The following TENM3 variants were observed in gnomAD, a reference collection of about 807,000 sequenced individuals.
The protein encoded by TENM3 is teneurin transmembrane protein 3, also known as teneurin-3.
A neutral mutation model predicts 255.1 loss-of-function variants in TENM3; 63 were observed. That is an observed-to-expected ratio of 0.25 (90% CI 0.20 to 0.30). TENM3 has a LOEUF of 0.30. Among genes scored for constraint, TENM3 ranks in the 10% least tolerant of loss-of-function variants. TENM3 has a pLI of 1.00. For missense variants in TENM3, 2,929 were observed against 3,461.1 expected (o/e 0.85, Z 3.86); for synonymous variants, 1,306 against 1,322.3 (o/e 0.99, Z 0.27).
At chr4:181,552,169 AATAAG>A in the TENM3 span, among the ~76,000 whole-genome samples, 1 of 152,148 alleles carries the variant, frequency 6.6e-6, no homozygotes, top group Admixed American at 6.5e-5. Flanking sequence ...TATGGGAGAA[AATAAG>A]ATAAGGGAAG....
At chr4:182,750,316 A>G (rs563602568) in intron 19 of TENM3, among the ~76,000 whole-genome samples, 2 of 152,264 alleles carry the variant, frequency 1.3e-5, no homozygotes, top group African/African-American at 4.8e-5. Context: ...GGAGATCCCA[A>G]AGCTGAAGGA....
the TENM3 span, among the ~76,000 whole-genome samples, chr4:181,680,130 C>T: frequency 1.3e-5 from 2 of 152,020 alleles, no homozygotes; most frequent in South Asian, 2.1e-4. Flanking sequence ...ATTTTATATT[C>T]GTGAAGGTAA....
the TENM3 span, among the ~76,000 whole-genome samples, chr4:181,991,477 C>T: frequency 3.9e-5 from 6 of 152,080 alleles, no homozygotes; most frequent in African/African-American, 7.2e-5. Flanking sequence ...CAGGCTTAAT[C>T]GGGTGGTATG....
intron 3 of TENM3, among the ~76,000 whole-genome samples, chr4:182,497,849 T>TAC (rs1363305070): frequency 4.6e-4 from 4 of 8,750 alleles, no homozygotes; most frequent in African/African-American, 5.3e-4. Flanking sequence ...TAAAAATACA[T>TAC]ATATATATAT....
chr4:182,270,846 C>T (rs1032920282), intron 1 of TENM3, among the ~76,000 whole-genome samples: 3 of 152,104 alleles, frequency 2.0e-5, no homozygotes, highest in Non-Finnish European at 2.9e-5. Context: ...TCTTAGAGCT[C>T]ACTTCAAAAC....
At chr4:182,287,142 C>G (rs1252152023) in intron 1 of TENM3, among the ~76,000 whole-genome samples, 1 of 152,204 alleles carries the variant, frequency 6.6e-6, no homozygotes, top group African/African-American at 2.4e-5. Flanking sequence ...GTGGGAGGAT[C>G]ACTTGGGTTC....
intron 1 of TENM3, among the ~76,000 whole-genome samples, chr4:182,273,043 A>T (rs1400009455): frequency 6.6e-6 from 1 of 152,240 alleles, no homozygotes; most frequent in African/African-American, 2.4e-5. Context: ...GAGCGTAACC[A>T]GGTGGTCAGT....
intron 1 of TENM3, among the ~76,000 whole-genome samples, chr4:182,310,746 G>A (rs919715369): frequency 6.6e-6 from 1 of 151,498 alleles, no homozygotes; most frequent in South Asian, 2.1e-4. Flanking sequence ...TCACTCTGTT[G>A]ACCAGGCTGC....
the TENM3 span, among the ~76,000 whole-genome samples, chr4:181,918,540 T>C: frequency 6.6e-6 from 1 of 152,228 alleles, no homozygotes; most frequent in Non-Finnish European, 1.5e-5. Context: ...TTAAAAGTCA[T>C]ATATTCAATT....
chr4:182,489,829 T>C (rs1478119626), intron 3 of TENM3, among the ~76,000 whole-genome samples: 1 of 89,464 alleles, frequency 1.1e-5, no homozygotes, highest in Non-Finnish European at 2.4e-5. Flanking sequence ...CTCCCTCCCT[T>C]CCTTTCTTCC....
chr4:181,474,739 CA>C, the TENM3 span, among the ~76,000 whole-genome samples: 39 of 137,278 alleles, frequency 2.8e-4, no homozygotes, highest in South Asian at 6.9e-4. Context: ...CGTCTCAAAA[CA>C]AAAAAAAAAA....
the TENM3 span, among the ~76,000 whole-genome samples, chr4:181,522,330 T>A: frequency 6.6e-6 from 1 of 152,166 alleles, no homozygotes; most frequent in Admixed American, 6.5e-5. Flanking sequence ...GAGAGGTTAC[T>A]TTTATTATCT....
chr4:182,578,157 A>G (rs1428221074), intron 3 of TENM3, among the ~76,000 whole-genome samples: 1 of 152,014 alleles, frequency 6.6e-6, no homozygotes, highest in African/African-American at 2.4e-5. Flanking sequence ...TTGTATTTTT[A>G]GTAGAGACGG....
At chr4:182,634,169 A>C (rs1042183282) in intron 5 of TENM3, among the ~76,000 whole-genome samples, 1 of 152,182 alleles carries the variant, frequency 6.6e-6, no homozygotes, top group Non-Finnish European at 1.5e-5. Context: ...TTTAGTAGCC[A>C]CTAGACACAT....
chr4:181,447,784 T>C, the TENM3 span, among the ~76,000 whole-genome samples: 4 of 152,256 alleles, frequency 2.6e-5, no homozygotes, highest in East Asian at 3.9e-4. Context: ...TGAGTACCCA[T>C]GTGCGGCCAG....
chr4:182,437,525 G>C (rs1296931244), intron 3 of TENM3, among the ~76,000 whole-genome samples: 1 of 151,962 alleles, frequency 6.6e-6, no homozygotes, highest in East Asian at 1.9e-4. Flanking sequence ...GGCTGGGTGC[G>C]GTGGCTCATG....
the TENM3 span, among the ~76,000 whole-genome samples, chr4:181,590,138 C>T: frequency 6.6e-6 from 1 of 152,086 alleles, no homozygotes; most frequent in African/African-American, 2.4e-5. Flanking sequence ...TCCTTTTATT[C>T]AACCCTTCTT....
At chr4:182,353,914 G>A (rs573524271) in intron 3 of TENM3, among the ~76,000 whole-genome samples, 7 of 151,310 alleles carry the variant, frequency 4.6e-5, no homozygotes, top group African/African-American at 1.2e-4. Flanking sequence ...GCAGTGAGCC[G>A]AGATCGTGCC....
chr4:181,535,993 T>A, the TENM3 span, among the ~76,000 whole-genome samples: 3 of 152,160 alleles, frequency 2.0e-5, no homozygotes, highest in African/African-American at 7.2e-5. Flanking sequence ...ATAAAAAAAA[T>A]TCCACTCAAT....
Sources: gnomAD v4.1 joint callset for allele counts (sites outside exome capture counted in the v4.1 genomes callset) on GRCh38, gnomAD v4.1.1 for gene constraint, MANE v1.5 for transcripts, NCBI Gene and HGNC (gene_info 2026-07-23, HGNC 2026-07-21) for gene names.